ADGRL3: variants seen among roughly 807,000 people sequenced by gnomAD.
ADGRL3 encodes calcium-independent alpha-latrotoxin receptor 3.
ADGRL3 carries 62 observed loss-of-function variants against 153.5 expected under a neutral mutation model. The observed-to-expected ratio is 0.40, with a 90% CI of 0.33 to 0.50. ADGRL3 has a LOEUF of 0.50. Among genes scored for constraint, ADGRL3 ranks in the 20% least tolerant of loss-of-function variants. ADGRL3 has a pLI of 0.47. For missense variants in ADGRL3, 1,641 were observed against 1,859.4 expected (o/e 0.88, Z 2.16); for synonymous variants, 710 against 672.5 (o/e 1.06, Z -0.86).
intron 18 of ADGRL3, among the ~76,000 whole-genome samples, chr4:61,980,149 A>G (rs6834668): frequency 0.97 from 147,206 of 151,958 alleles, 71,481 homozygotes; most frequent in East Asian, 1. Flanking sequence ...AACCTGCATC[A>G]ACACATCATT....
chr4:61,959,481 A>C (rs1020201311), intron 17 of ADGRL3, among the ~76,000 whole-genome samples: 1 of 151,986 alleles, frequency 6.6e-6, no homozygotes, highest in African/African-American at 2.4e-5. Flanking sequence ...CCCCATCCCA[A>C]CTTCACCTCA....
chr4:61,248,068 T>C (rs915890564), intron 1 of ADGRL3, among the ~76,000 whole-genome samples: 3 of 152,144 alleles, frequency 2.0e-5, no homozygotes, highest in Non-Finnish European at 2.9e-5. Context: ...GTAATTTCAT[T>C]TAAAAGGTTT....
At chr4:61,260,607 A>G (rs1008114650) in intron 1 of ADGRL3, among the ~76,000 whole-genome samples, 9 of 152,380 alleles carry the variant, frequency 5.9e-5, no homozygotes, top group African/African-American at 2.2e-4. Flanking sequence ...AAAAGTGCCT[A>G]GCAGAATGCA....
chr4:61,661,680 T>C (rs1254520293), intron 5 of ADGRL3, among the ~76,000 whole-genome samples: 1 of 152,150 alleles, frequency 6.6e-6, no homozygotes, highest in Non-Finnish European at 1.5e-5. Context: ...AGACATAAAG[T>C]AGAGATCATG....
intron 17 of ADGRL3, among the ~76,000 whole-genome samples, chr4:61,968,093 A>G (rs933061565): frequency 1.3e-5 from 2 of 152,208 alleles, no homozygotes; most frequent in African/African-American, 4.8e-5. Context: ...TAAAGTTCCT[A>G]CTTATCAACA....
intron 2 of ADGRL3, among the ~76,000 whole-genome samples, chr4:61,495,969 C>T (rs1320724526): frequency 6.6e-6 from 1 of 152,114 alleles, no homozygotes; most frequent in African/African-American, 2.4e-5. Flanking sequence ...ATAAATGAAA[C>T]ATAAATGAAA....
At chr4:61,693,534 G>C (rs1353975264) in intron 6 of ADGRL3, among the ~76,000 whole-genome samples, 1 of 152,104 alleles carries the variant, frequency 6.6e-6, no homozygotes, top group Non-Finnish European at 1.5e-5. Context: ...TCACATCAGA[G>C]TAATTTGATT....
At chr4:61,358,669 G>A (rs1389254723) in intron 1 of ADGRL3, among the ~76,000 whole-genome samples, 2 of 150,902 alleles carry the variant, frequency 1.3e-5, no homozygotes, top group African/African-American at 2.4e-5. Context: ...CTGTCTCCTG[G>A]GGCATCCCAC....
At chr4:61,927,354 A>G (rs762767710) in intron 13 of ADGRL3, among the ~76,000 whole-genome samples, 2 of 151,304 alleles carry the variant, frequency 1.3e-5, no homozygotes, top group Middle Eastern at 3.2e-3. Context: ...CAAAAAGACA[A>G]TGCTTTTTTT....
intron 1 of ADGRL3, among the ~76,000 whole-genome samples, chr4:61,372,041 A>G (rs1022060972): frequency 6.6e-6 from 1 of 152,022 alleles, no homozygotes; most frequent in Non-Finnish European, 1.5e-5. Flanking sequence ...AGGCTTCTGC[A>G]TTCTTCACGT....
At chr4:61,811,458 G>A (rs958417706) in intron 8 of ADGRL3, among the ~76,000 whole-genome samples, 2 of 152,050 alleles carry the variant, frequency 1.3e-5, no homozygotes, top group South Asian at 2.1e-4. Context: ...GAAGGTAGAT[G>A]AGTGGCTGCC....
intron 4 of ADGRL3, among the ~76,000 whole-genome samples, chr4:61,565,541 T>A (rs2098812895): frequency 6.6e-6 from 1 of 152,042 alleles, no homozygotes; most frequent in African/African-American, 2.4e-5. Flanking sequence ...TTGGGCTTTT[T>A]TTTTTTCTTT....
At chr4:61,581,176 G>A (rs2098923334) in intron 4 of ADGRL3, among the ~76,000 whole-genome samples, 1 of 151,980 alleles carries the variant, frequency 6.6e-6, no homozygotes, top group Non-Finnish European at 1.5e-5. Flanking sequence ...TTCAGAGAGG[G>A]CTGCTCATAA....
intron 3 of ADGRL3, among the ~76,000 whole-genome samples, chr4:61,503,343 A>T (rs2098405012): frequency 6.6e-6 from 1 of 152,006 alleles, no homozygotes; most frequent in African/African-American, 2.4e-5. Context: ...GTGTATTGTG[A>T]CTATTTGAGG....
intron 5 of ADGRL3, among the ~76,000 whole-genome samples, chr4:61,601,418 T>C (rs528771179): frequency 6.6e-6 from 1 of 152,330 alleles, no homozygotes; most frequent in Non-Finnish European, 1.5e-5. Context: ...TCAATTTATG[T>C]CAATTAAACA....
intron 6 of ADGRL3, among the ~76,000 whole-genome samples, chr4:61,716,323 G>A (rs898070633): frequency 6.6e-6 from 1 of 152,046 alleles, no homozygotes; most frequent in Non-Finnish European, 1.5e-5. Flanking sequence ...ATATAGATCT[G>A]GTTCTATTCA....
At chr4:62,057,742 A>T (rs1737832373) in intron 25 of ADGRL3, among the ~76,000 whole-genome samples, 1 of 152,056 alleles carries the variant, frequency 6.6e-6, no homozygotes, top group African/African-American at 2.4e-5. Flanking sequence ...CAGTGGTGTG[A>T]TCTCAACTAA....
chr4:61,466,623 A>AT (rs2097887613), intron 2 of ADGRL3, among the ~76,000 whole-genome samples: 1 of 152,080 alleles, frequency 6.6e-6, no homozygotes, highest in African/African-American at 2.4e-5. Flanking sequence ...GAGGTCAGAG[A>AT]TTTTTCCTGT....
At chr4:61,569,629 C>T (rs1185267105) in intron 4 of ADGRL3, among the ~76,000 whole-genome samples, 1 of 152,164 alleles carries the variant, frequency 6.6e-6, no homozygotes, top group Admixed American at 6.6e-5. Context: ...CTTTCTAACT[C>T]TACATCTTTG....
Sources: gnomAD v4.1 joint callset for allele counts (sites outside exome capture counted in the v4.1 genomes callset) on GRCh38, gnomAD v4.1.1 for gene constraint, MANE v1.5 for transcripts, NCBI Gene and HGNC (gene_info 2026-07-23, HGNC 2026-07-21) for gene names.